The following UNC13C variants were observed in gnomAD, a reference collection of about 807,000 sequenced individuals.
UNC13C encodes protein unc-13 homolog C.
Under a neutral mutation model 245.4 loss-of-function variants are expected in UNC13C, and 174 were observed. That is an observed-to-expected ratio of 0.71 (90% CI 0.63 to 0.80). The LOEUF is 0.80. Ranked by LOEUF, UNC13C falls within the 30% of genes least tolerant of loss-of-function variation. The pLI, the probability that UNC13C is intolerant of heterozygous loss-of-function variation, is 0.00. For synonymous variants in UNC13C, 992 were observed against 895.1 expected (o/e 1.11, Z -1.93); for missense variants, 2,829 against 2,602.9 (o/e 1.09, Z -1.89).
chr15:54,146,150 C>G (rs1261371616), intron 4 of UNC13C, among the ~76,000 whole-genome samples: 1 of 151,986 alleles, frequency 6.6e-6, no homozygotes, highest in Non-Finnish European at 1.5e-5. Context: ...TTTACTTTTT[C>G]TATAAATATT....
chr15:54,146,236 G>T (rs1418419440), intron 4 of UNC13C, among the ~76,000 whole-genome samples: 3 of 152,026 alleles, frequency 2.0e-5, no homozygotes, highest in Non-Finnish European at 4.4e-5. Flanking sequence ...AACTATGACT[G>T]GGGCAGACTT....
At chr15:54,517,881 A>G (rs1895048500) in intron 24 of UNC13C, among the ~76,000 whole-genome samples, 1 of 152,192 alleles carries the variant, frequency 6.6e-6, no homozygotes, top group Non-Finnish European at 1.5e-5. Context: ...TAATTGTTAT[A>G]ACTTATCCTG....
At chr15:54,632,419 A>G (rs550088597), downstream of UNC13C, 1 of 152,350 alleles carries the variant, frequency 6.6e-6, no homozygotes, top group East Asian at 1.9e-4. Flanking sequence ...ACTCAAGGCC[A>G]AAAAGATTTT....
intron 18 of UNC13C, among the ~76,000 whole-genome samples, chr15:54,409,089 A>G (rs542771756): frequency 1.3e-4 from 20 of 152,288 alleles, no homozygotes; most frequent in Non-Finnish European, 2.5e-4. Context: ...CAACTTCAAC[A>G]AAAGCCTGAA....
At chr15:53,845,149 C>T in the UNC13C span, among the ~76,000 whole-genome samples, 30 of 151,926 alleles carry the variant, frequency 2.0e-4, no homozygotes, top group African/African-American at 7.2e-4. Flanking sequence ...TACAGTGAAA[C>T]CTCGTCTCTA....
intron 4 of UNC13C, among the ~76,000 whole-genome samples, chr15:54,189,536 G>A (rs2034109721): frequency 6.6e-6 from 1 of 152,184 alleles, no homozygotes; most frequent in African/African-American, 2.4e-5. Context: ...GTGTGGAGCT[G>A]TGTCTGCAGA....
intron 7 of UNC13C, among the ~76,000 whole-genome samples, chr15:54,238,752 A>C (rs757210367): frequency 9.2e-5 from 14 of 152,188 alleles, no homozygotes; most frequent in Non-Finnish European, 1.8e-4. Context: ...GGCTTAGCAC[A>C]CTGTCTGGCA....
chr15:54,189,374 T>A (rs2115826), intron 4 of UNC13C, among the ~76,000 whole-genome samples: 115,548 of 151,710 alleles, frequency 0.76, 44,255 homozygotes, highest in Non-Finnish European at 0.78. Flanking sequence ...CGATTTTTTT[T>A]AAATTCAATT....
intron 30 of UNC13C, among the ~76,000 whole-genome samples, chr15:54,594,660 G>A (rs118136595): frequency 0.015 from 2,291 of 152,274 alleles, 22 homozygotes; most frequent in Non-Finnish European, 0.022. Flanking sequence ...CTGTAGGGCC[G>A]GTCTCACTTC....
At chr15:53,973,126 G>A in the UNC13C span, among the ~76,000 whole-genome samples, 1 of 152,210 alleles carries the variant, frequency 6.6e-6, no homozygotes, top group South Asian at 2.1e-4. Context: ...AATAGCATAT[G>A]GCCATACAGG....
intron 2 of UNC13C, among the ~76,000 whole-genome samples, chr15:54,069,504 A>C (rs1196092389): frequency 6.6e-6 from 1 of 152,222 alleles, no homozygotes; most frequent in African/African-American, 2.4e-5. Flanking sequence ...TGAAAACCAC[A>C]TCCTTAACTA....
intron 2 of UNC13C, among the ~76,000 whole-genome samples, chr15:54,017,767 GCT>G (rs1479810721): frequency 6.6e-6 from 1 of 152,106 alleles, no homozygotes; most frequent in African/African-American, 2.4e-5. Context: ...ATACACACAT[GCT>G]CTTGGTTATC....
intron 19 of UNC13C, among the ~76,000 whole-genome samples, chr15:54,443,513 T>G (rs911461129): frequency 1.3e-5 from 2 of 152,094 alleles, no homozygotes. Flanking sequence ...TTTAAAAATC[T>G]TTTTACTTTT....
At chr15:54,603,119 G>T (rs911951786) in intron 30 of UNC13C, among the ~76,000 whole-genome samples, 13 of 152,114 alleles carry the variant, frequency 8.5e-5, no homozygotes, top group African/African-American at 3.1e-4. Flanking sequence ...ATCCTGTTTT[G>T]GGAATCAAGG....
At chr15:54,124,425 T>C (rs550251548) in intron 2 of UNC13C, among the ~76,000 whole-genome samples, 1 of 152,358 alleles carries the variant, frequency 6.6e-6, no homozygotes, top group East Asian at 1.9e-4. Flanking sequence ...AAGCTTGTCA[T>C]CCATATGTCC....
chr15:54,421,670 C>A (rs1193634338), intron 19 of UNC13C, among the ~76,000 whole-genome samples: 6 of 152,072 alleles, frequency 3.9e-5, no homozygotes, highest in Non-Finnish European at 8.8e-5. Context: ...ATTTAAGTAG[C>A]AAATGAACCC....
chr15:54,460,771 T>G (rs1891802058), intron 19 of UNC13C, among the ~76,000 whole-genome samples: 1 of 152,214 alleles, frequency 6.6e-6, no homozygotes, highest in Non-Finnish European at 1.5e-5. Flanking sequence ...CTTGCAGTGG[T>G]CCTTGAAGCA....
At chr15:53,984,380 G>A (rs1894044837) in intron 1 of UNC13C, among the ~76,000 whole-genome samples, 1 of 152,046 alleles carries the variant, frequency 6.6e-6, no homozygotes, top group African/African-American at 2.4e-5. Flanking sequence ...ATCATACACT[G>A]TCTTATGAGA....
chr15:53,879,971 G>GTGTATA, the UNC13C span, among the ~76,000 whole-genome samples: 4 of 151,026 alleles, frequency 2.6e-5, no homozygotes, highest in African/African-American at 7.3e-5. Context: ...GTGTGTGTGT[G>GTGTATA]TATATACATA....
Sources: gnomAD v4.1 joint callset for allele counts (sites outside exome capture counted in the v4.1 genomes callset) on GRCh38, gnomAD v4.1.1 for gene constraint, MANE v1.5 for transcripts, NCBI Gene and HGNC (gene_info 2026-07-23, HGNC 2026-07-21) for gene names.